Variants in FOXP2 observed in about 807,000 individuals in gnomAD.
The protein encoded by FOXP2 is forkhead box P2, also known as forkhead box protein P2.
A neutral mutation model predicts 115.8 loss-of-function variants in FOXP2; 12 were observed. The observed-to-expected ratio is 0.10, with a 90% CI of 0.07 to 0.17. The LOEUF (loss-of-function observed/expected upper bound fraction) is 0.17. Ranked by LOEUF, FOXP2 falls within the 10% of genes least tolerant of loss-of-function variation. The pLI is 1.00. For missense variants in FOXP2, 629 were observed against 843.5 expected, an observed-to-expected ratio of 0.75 and a Z score of 3.15; for synonymous variants, 328 against 297.7, an observed-to-expected ratio of 1.10 and a Z score of -1.05.
At chr7:114,142,275 GC>G (rs1381587323) in intron 1 of FOXP2, among the ~76,000 whole-genome samples, 1 of 152,138 alleles carries the variant, frequency 6.6e-6, no homozygotes, top group Admixed American at 6.5e-5. Flanking sequence ...ACCCGCCTTG[GC>G]CTCCCAAAGT....
intron 3 of FOXP2, among the ~76,000 whole-genome samples, chr7:114,567,028 G>A (rs1801058785): frequency 6.6e-6 from 1 of 151,608 alleles, no homozygotes; most frequent in Admixed American, 6.6e-5. Flanking sequence ...GTTTCTAAAA[G>A]GAAAAAAATA....
chr7:114,294,939 A>C (rs963349298), intron 2 of FOXP2, among the ~76,000 whole-genome samples: 4 of 151,328 alleles, frequency 2.6e-5, no homozygotes, highest in African/African-American at 9.7e-5. Context: ...TACATACATA[A>C]ATTCTCATTA....
chr7:114,216,038 G>A (rs1007967921), intron 1 of FOXP2, among the ~76,000 whole-genome samples: 1 of 152,072 alleles, frequency 6.6e-6, no homozygotes, highest in Non-Finnish European at 1.5e-5. Flanking sequence ...CAGAGGCAGG[G>A]ACAAAAACAG....
intron 2 of FOXP2, among the ~76,000 whole-genome samples, chr7:114,378,758 T>TGTCTGGTA (rs1289721451): frequency 2.1e-5 from 3 of 143,052 alleles, no homozygotes; most frequent in Admixed American, 7.2e-5. Context: ...AGCCTTCTGC[T>TGTCTGGTA]GTCTGGTACC....
At chr7:114,591,218 A>G (rs1802421849) in intron 3 of FOXP2, among the ~76,000 whole-genome samples, 1 of 152,160 alleles carries the variant, frequency 6.6e-6, no homozygotes. Flanking sequence ...ATTGTAACAC[A>G]TGCACCCAAA....
intron 7 of FOXP2, among the ~76,000 whole-genome samples, 156 bp downstream of exon 7, chr7:114,642,779 AATATATATATATAT>A (rs869055954): frequency 1.1e-5 from 1 of 91,176 alleles, no homozygotes; most frequent in East Asian, 6.5e-4. Flanking sequence ...TTTTATATAT[AATATATATATATAT>A]ATATATATAT....
At chr7:114,548,340 T>A (rs571827533) in intron 3 of FOXP2, among the ~76,000 whole-genome samples, 1 of 152,320 alleles carries the variant, frequency 6.6e-6, no homozygotes, top group Admixed American at 6.5e-5. Flanking sequence ...ATGAAGCTGA[T>A]CATGTTTAGT....
At chr7:114,675,755 A>G (rs1807718291) in intron 16 of FOXP2, among the ~76,000 whole-genome samples, 1 of 152,134 alleles carries the variant, frequency 6.6e-6, no homozygotes, top group Non-Finnish European at 1.5e-5. Flanking sequence ...AGTAGTCAAA[A>G]TCTATGCATA....
intron 2 of FOXP2, among the ~76,000 whole-genome samples, chr7:114,306,608 A>G (rs1396894647): frequency 1.3e-5 from 2 of 152,160 alleles, no homozygotes; most frequent in Non-Finnish European, 2.9e-5. Flanking sequence ...GCACTACATT[A>G]GTTTCTTATG....
At chr7:114,240,974 A>G (rs1349048160) in intron 1 of FOXP2, among the ~76,000 whole-genome samples, 1 of 151,996 alleles carries the variant, frequency 6.6e-6, no homozygotes, top group Non-Finnish European at 1.5e-5. Flanking sequence ...TGTATTAATC[A>G]TATAAAGATG....
chr7:114,525,625 C>G (rs1194359593), intron 2 of FOXP2, among the ~76,000 whole-genome samples: 1 of 152,114 alleles, frequency 6.6e-6, no homozygotes, highest in Non-Finnish European at 1.5e-5. Flanking sequence ...ATAACCACAC[C>G]TCTTTATTTT....
In FOXP2 at chr7:114,690,827, A is replaced by G. The variant is rs1026098489; in HGVS notation, c.*901A>G. On this transcript the variant is annotated 3_prime_UTR_variant, in exon 17 of 17. Coordinates refer to ENST00000350908, the MANE Select transcript of FOXP2 (RefSeq NM_014491.4). ...CTTTGGTCAGCCTTCTGTAACTTCA[A>G]TTAGTACAAAGGAACCTTTTCCATG... is the stretch of plus-strand genomic sequence containing the variant. 19 of 454,404 alleles carry G rather than the reference A, an allele frequency of 4.2e-5. No individual in the cohort carries two copies. Among genetic ancestry groups the G allele is most frequent in the Middle Eastern group, 6.8e-4 (1 of 1,466 alleles). The allele number at this position is 454,404 out of a possible 1,614,324, so 28.1% of individuals were successfully genotyped here. A position where few individuals can be genotyped will look rare whatever the true frequency, so the allele number is the denominator to read the frequency against.
intron 3 of FOXP2, among the ~76,000 whole-genome samples, chr7:114,543,661 A>G (rs1015771364): frequency 6.6e-6 from 1 of 152,250 alleles, no homozygotes; most frequent in Non-Finnish European, 1.5e-5. Flanking sequence ...GTGAGAAGTC[A>G]GCAATCTGAA....
intron 16 of FOXP2, among the ~76,000 whole-genome samples, chr7:114,680,467 G>A (rs559673671): frequency 2.0e-5 from 3 of 152,228 alleles, no homozygotes; most frequent in African/African-American, 4.8e-5. Flanking sequence ...AACTGCTACC[G>A]AAATAGACAT....
At chr7:114,448,130 G>T (rs1486784829) in intron 2 of FOXP2, among the ~76,000 whole-genome samples, 1 of 152,056 alleles carries the variant, frequency 6.6e-6, no homozygotes, top group Non-Finnish European at 1.5e-5. Flanking sequence ...CCCATTATTG[G>T]TAATTTTATG....
chr7:114,649,328 T>C (rs1398631643), intron 8 of FOXP2, among the ~76,000 whole-genome samples: 4 of 152,084 alleles, frequency 2.6e-5, no homozygotes, highest in African/African-American at 9.7e-5. Context: ...AGCATTCATA[T>C]GAAAAGGGTA....
In FOXP2 at chr7:114,172,064, C is replaced by A. The variant is rs12673655; in HGVS notation, c.-102+8976C>A. On this transcript the variant is annotated intron_variant, in intron 1 of 17. Coordinates refer to the FOXP2 transcript ENST00000634411. Reference sequence around the variant, plus strand: ...ACTTTAATAAGTGAGGAATTGCTTCCTAAGGATAAGCCCTTAGCAATTTTG... The same window carrying A: ...ACTTTAATAAGTGAGGAATTGCTTCATAAGGATAAGCCCTTAGCAATTTTG... 2.0e-5 allele frequency among the ~76,000 whole-genome samples: 3 copies of A among 152,092 alleles called. 1 individual carries two copies. Among genetic ancestry groups the A allele is most frequent in the African/African-American group, 7.2e-5 (3 of 41,396 alleles).
chr7:114,410,685 A>G (rs1793141246), upstream of FOXP2, among the ~76,000 whole-genome samples: 3 of 152,130 alleles, frequency 2.0e-5, no homozygotes, highest in South Asian at 6.2e-4. Context: ...TTGACTTTCA[A>G]TAAACAGTAT....
At chr7:114,162,498 T>C (rs942334136), upstream of FOXP2, among the ~76,000 whole-genome samples, 1 of 152,150 alleles carries the variant, frequency 6.6e-6, no homozygotes, top group Admixed American at 6.6e-5. Flanking sequence ...TCCATTAAAA[T>C]TTTTAAAAAC....
Sources: allele counts gnomAD v4.1 joint callset (sites outside exome capture counted in the v4.1 genomes callset), GRCh38; gene constraint gnomAD v4.1.1; transcripts MANE v1.5; gene names NCBI Gene and HGNC (gene_info 2026-07-23, HGNC 2026-07-21).